The following XDH variants were observed in gnomAD, a reference collection of about 807,000 sequenced individuals.
XDH encodes the protein xanthine dehydrogenase/oxidase.
A neutral mutation model predicts 156.1 loss-of-function variants in XDH; 138 were observed. The ratio of observed to expected loss-of-function variants is 0.88; its 90% CI spans 0.77 to 1.02. The LOEUF is 1.02. XDH is among the 50% of genes least tolerant of loss of function. The pLI is 0.00. For missense variants in XDH, 1,849 were observed against 1,684.9 expected (o/e 1.10, Z -1.71); for synonymous variants, 669 against 625.7 (o/e 1.07, Z -1.03).
chr2:31,353,984 A>T (rs935258068), intron 24 of XDH, among the ~76,000 whole-genome samples: 1 of 152,178 alleles, frequency 6.6e-6, no homozygotes, highest in Non-Finnish European at 1.5e-5. Flanking sequence ...CCCCACCCAC[A>T]TAACAAAGAC....
chr2:31,374,101 A>C, intron 15 of XDH, 145 bp from the exon 16 acceptor site: 1 of 815,952 alleles, frequency 1.2e-6, no homozygotes, highest in Admixed American at 2.1e-5. Flanking sequence ...TGGATCTCTC[A>C]GCATCCAAAC....
chr2:31,354,298 C>T (rs1407100207), intron 24 of XDH, among the ~76,000 whole-genome samples: 1 of 152,190 alleles, frequency 6.6e-6, no homozygotes, highest in Non-Finnish European at 1.5e-5. Flanking sequence ...TAGATCCAAG[C>T]TCTCAGAACA....
chr2:31,393,383 C>A (rs552795395), intron 6 of XDH, among the ~76,000 whole-genome samples: 11 of 152,122 alleles, frequency 7.2e-5, no homozygotes, highest in African/African-American at 2.4e-4. Flanking sequence ...TTTTTAATGC[C>A]CCTCTTTTTC....
intron 2 of XDH, among the ~76,000 whole-genome samples, chr2:31,403,589 G>A (rs1278316820): frequency 6.6e-6 from 1 of 152,166 alleles, no homozygotes; most frequent in Non-Finnish European, 1.5e-5. Flanking sequence ...GGACCTCTGA[G>A]TCCTTGCTTT....
chr2:31,344,811 G>A lies in XDH; in HGVS notation c.3352-75C>T, dbSNP rs1045784332. 1.2e-5 allele frequency: 18 copies of A among 1,494,980 alleles called. No individual in the cohort carries two copies. The Admixed American group carries it at 1.7e-4, about 14-fold the overall frequency. 92.6% of individuals were successfully genotyped at this position (1,494,980 alleles called of 1,614,324 possible). A position where few individuals can be genotyped will look rare whatever the true frequency, so the allele number is the denominator to read the frequency against. ...CCCTGACCTGCCACTAAGCTTTCAG[G>A]AGCTCACCTCCTCTGGAAGCCAATC... is the stretch of plus-strand genomic sequence containing the variant. On this transcript the variant is annotated intron_variant, in intron 30 of 35. Transcript: ENST00000379416.
At chr2:31,336,151 T>C (rs1474045069) in intron 35 of XDH, 143 bp from the exon 36 acceptor site, 1 of 890,124 alleles carries the variant, frequency 1.1e-6, no homozygotes, top group Non-Finnish European at 1.9e-6. Flanking sequence ...TGAGAATGCC[T>C]CAGGGCAGGA....
intron 6 of XDH, among the ~76,000 whole-genome samples, chr2:31,396,228 T>C (rs1217074783): frequency 1.3e-5 from 2 of 152,176 alleles, no homozygotes; most frequent in African/African-American, 2.4e-5. Context: ...GGAGGTAAGT[T>C]CTGCATGGTG....
At position 31,402,944 on chromosome 2, in the gene XDH, C is replaced by T. The variant is rs1002799191; in HGVS notation, c.197+104G>A. The T allele has an allele frequency of 8.1e-6, 10 of 1,238,584 alleles. No individual in the cohort carries two copies. The African/African-American group carries it at 1.3e-4, about 16-fold the overall frequency. 76.7% of individuals were successfully genotyped at this position (1,238,584 alleles called of 1,614,324 possible). A position where few individuals can be genotyped will look rare whatever the true frequency, so the allele number is the denominator to read the frequency against. On this transcript the variant is annotated intron_variant, in intron 3 of 35. Transcript: ENST00000379416. ...GATTCTCCATAAAAACAGGGGCTCA[C>T]ACATGCGCACATGCACATACACACA...
In XDH at chr2:31,348,951, C is replaced by G; in HGVS notation, c.2999G>C (p.Cys1000Ser). The part of the protein sequence containing the change: ...KENCWKKRGL[C>S]IIPTKFGISF... ...TATTCCAAACTTGGTGGGAATTATG[C>G]ACAATCCTCTCTTTTTCCAACAATT... is the stretch of plus-strand genomic sequence containing the variant. The change falls in exon 27 of 36, where the codon TGC becomes TCC. Residue 1000 changes from cysteine (C) to serine (S), a missense_variant. Cys to Ser is a moderately radical substitution (Grantham distance 112). Transcript: ENST00000379416. 2 of 1,613,474 alleles carry G rather than the reference C, an allele frequency of 1.2e-6. No homozygotes were observed. The highest frequency in any genetic ancestry group is 1.7e-6 in the Non-Finnish European group (2 of 1,179,368).
chr2:31,343,300 A>ATATATATATATATATATATGCATGTT, intron 31 of XDH, among the ~76,000 whole-genome samples: 2 of 112,504 alleles, frequency 1.8e-5, no homozygotes, highest in Admixed American at 1.7e-4. Flanking sequence ...ATATATATAT[A>ATATATATATATATATATATGCATGTT]TATATATATA....
chr2:31,373,747 A>C (rs1686144130), intron 16 of XDH, 126 bp downstream of exon 16: 1 of 891,158 alleles, frequency 1.1e-6, no homozygotes, highest in East Asian at 2.7e-5. Flanking sequence ...GTATTTACGC[A>C]CAAGAGTAAG....
intron 33 of XDH, 82 bp from the exon 34 acceptor site, chr2:31,339,759 C>A (rs1388023054): frequency 1.3e-6 from 2 of 1,555,840 alleles, no homozygotes; most frequent in Non-Finnish European, 1.8e-6. Flanking sequence ...GGACACAAAG[C>A]GCCAACTGCA....
At chr2:31,361,749 G>A (rs1418912052) in intron 24 of XDH, among the ~76,000 whole-genome samples, 1 of 152,096 alleles carries the variant, frequency 6.6e-6, no homozygotes, top group African/African-American at 2.4e-5. Flanking sequence ...TTTTATTTTG[G>A]ACACTTAGCA....
chr2:31,336,139 G>A (rs939212674), intron 35 of XDH, 131 bp from the exon 36 acceptor site: 3 of 976,194 alleles, frequency 3.1e-6, no homozygotes, highest in Non-Finnish European at 5.0e-6. Context: ...AGGCCTAGCT[G>A]TTGAGAATGC....
chr2:31,373,853 C>T lies in XDH; in HGVS notation c.1686+20G>A, dbSNP rs761490049. 1.9e-6 allele frequency: 3 copies of T among 1,613,040 alleles called. No homozygotes were observed. The highest frequency in any genetic ancestry group is 2.5e-6 in the Non-Finnish European group (3 of 1,179,398). ...GCCTGCAAAGTCCCCTGATATTAGC[C>T]ATACACTGACCGTACTCACTTGGAA... On this transcript the variant is annotated intron_variant, in intron 16 of 35. Transcript: ENST00000379416.
At chr2:31,388,496 A>T (rs1686676875) in intron 6 of XDH, among the ~76,000 whole-genome samples, 1 of 152,156 alleles carries the variant, frequency 6.6e-6, no homozygotes, top group South Asian at 2.1e-4. Flanking sequence ...AGATTAAACA[A>T]CTCATGGATA....
In XDH at chr2:31,365,429, G is replaced by A. The variant is rs780139481; in HGVS notation, c.2544+28C>T. ...CTTTCCTCACAAAATGGCTCATCCCGCCCCAGCACAGCCCCAACATCTAGA... is the reference window on the plus strand; with the variant it reads ...CTTTCCTCACAAAATGGCTCATCCCACCCCAGCACAGCCCCAACATCTAGA... On this transcript the variant is annotated intron_variant, in intron 23 of 35. Coordinates refer to ENST00000379416, the MANE Select transcript of XDH (RefSeq NM_000379.4). 3.2e-5 allele frequency: 51 copies of A among 1,612,628 alleles called. 1 individual carries two copies. The highest frequency in any genetic ancestry group is 8.8e-5 in the South Asian group (8 of 91,042).
Position 31,339,470 on chromosome 2 carries a change from A to T in XDH, c.3774+19T>A. 2 of 1,613,584 alleles carry T rather than the reference A, an allele frequency of 1.2e-6. No homozygotes were observed. The highest frequency in any genetic ancestry group is 1.7e-6 in the Non-Finnish European group (2 of 1,180,012). Reference sequence around the variant, plus strand: ...CAGGGCAGATCAGAAGAGACAGCACAGAGCCAGAGCAATGGTACCTTCGAT... The same window carrying T: ...CAGGGCAGATCAGAAGAGACAGCACTGAGCCAGAGCAATGGTACCTTCGAT... On this transcript the variant is annotated intron_variant, in intron 34 of 35. Transcript: ENST00000379416.
chr2:31,394,479 A>G (rs1469012676), intron 6 of XDH, among the ~76,000 whole-genome samples: 2 of 152,106 alleles, frequency 1.3e-5, no homozygotes, highest in Non-Finnish European at 2.9e-5. Flanking sequence ...AAGTTTGAAT[A>G]TCACATGCCT....
Sources: allele counts gnomAD v4.1 joint callset (sites outside exome capture counted in the v4.1 genomes callset), GRCh38; gene constraint gnomAD v4.1.1; transcripts MANE v1.5; gene names NCBI Gene and HGNC (gene_info 2026-07-23, HGNC 2026-07-21).